Variants in MIS18BP1 observed in about 807,000 individuals in gnomAD.
MIS18BP1 encodes mis18-binding protein 1.
A neutral mutation model predicts 116.1 loss-of-function variants in MIS18BP1; 72 were observed. The observed-to-expected ratio is 0.62, with a 90% CI of 0.51 to 0.75. The LOEUF (loss-of-function observed/expected upper bound fraction) is 0.75, where lower values mean the gene tolerates loss of function less well. Among genes scored for constraint, MIS18BP1 ranks in the 30% least tolerant of loss-of-function variants. The pLI is 0.00. For missense variants in MIS18BP1, 1,363 were observed against 1,303.2 expected, an observed-to-expected ratio of 1.05 and a Z score of -0.71; for synonymous variants, 386 against 427.0, an observed-to-expected ratio of 0.90 and a Z score of 1.18.
chr14:45,245,836 T>C (rs890445664), intron 2 of MIS18BP1, among the ~76,000 whole-genome samples: 5 of 152,230 alleles, frequency 3.3e-5, no homozygotes, highest in African/African-American at 1.2e-4. Context: ...CCTTGATCAC[T>C]TCTCTAAATT....
At chr14:45,236,859 G>C (rs1050826903) in intron 5 of MIS18BP1, among the ~76,000 whole-genome samples, 1 of 152,098 alleles carries the variant, frequency 6.6e-6, no homozygotes, top group Admixed American at 6.6e-5. Context: ...AATACAGATA[G>C]TAGGCAGCAG....
intron 8 of MIS18BP1, 48 bp downstream of exon 8, chr14:45,231,093 G>C: frequency 6.3e-7 from 1 of 1,576,882 alleles, no homozygotes; most frequent in Non-Finnish European, 8.7e-7. Context: ...TGTAGACCAT[G>C]TAAGAACTTA....
chr14:45,235,670 C>A, intron 6 of MIS18BP1, 144 bp downstream of exon 6: 1 of 541,572 alleles, frequency 1.8e-6, no homozygotes, highest in Non-Finnish European at 2.9e-6. Context: ...AAAAAATTAC[C>A]AGTTTTATAT....
intron 11 of MIS18BP1, among the ~76,000 whole-genome samples, chr14:45,222,769 T>C (rs1410369404): frequency 6.6e-6 from 1 of 152,194 alleles, no homozygotes; most frequent in African/African-American, 2.4e-5. Flanking sequence ...TTCCTCTCTT[T>C]CCGCGATTTC....
chr14:45,248,066 T>C (rs1594530619), intron 1 of MIS18BP1, among the ~76,000 whole-genome samples: 1 of 149,106 alleles, frequency 6.7e-6, no homozygotes, highest in Admixed American at 6.7e-5. Flanking sequence ...TTTTTTTTTT[T>C]TTTTTTTCTT....
At chr14:45,233,104 G>A (rs1445777687) in intron 6 of MIS18BP1, among the ~76,000 whole-genome samples, 2 of 152,140 alleles carry the variant, frequency 1.3e-5, no homozygotes, top group Non-Finnish European at 2.9e-5. Context: ...TATGTCCATG[G>A]GGGAGTAAAG....
At position 45,203,963 on chromosome 14, in the gene MIS18BP1, T is replaced by G; in HGVS notation, c.*146A>C. 8.2e-7 allele frequency: 1 copy of G among 1,215,386 alleles called. No homozygotes were observed. The highest frequency in any genetic ancestry group is 2.9e-5 in the East Asian group (1 of 34,468). The allele number at this position is 1,215,386 out of a possible 1,614,324, so 75.3% of individuals were successfully genotyped here. A position where few individuals can be genotyped will look rare whatever the true frequency, so the allele number is the denominator to read the frequency against. On this transcript the variant is annotated 3_prime_UTR_variant, in exon 17 of 17. Transcript: ENST00000310806. The stretch of plus-strand genomic sequence containing the variant: ...AGCTGCAGCAATGAGGATATTTTAC[T>G]TTGAACACAAACATATGAAACCTTC...
chr14:45,232,812 T>C lies in MIS18BP1; in HGVS notation c.1357A>G (p.Asn453Asp), dbSNP rs376147694. 4.4e-5 allele frequency: 61 copies of C among 1,389,302 alleles called. No homozygotes were observed. In the East Asian group the frequency reaches 7.9e-4, roughly 18 times the overall value. The allele number at this position is 1,389,302 out of a possible 1,614,324, so 86.1% of individuals were successfully genotyped here. A position where few individuals can be genotyped will look rare whatever the true frequency, so the allele number is the denominator to read the frequency against. Residue 453 changes from asparagine (N) to aspartate (D), a missense_variant, in exon 7 of 17, where the codon AAT becomes GAT. Physicochemically the swap from Asn to Asp is conservative, Grantham distance 23 (BLOSUM62 1). Coordinates refer to ENST00000310806, the MANE Select transcript of MIS18BP1 (RefSeq NM_018353.5). Reference protein sequence around the residue: ...QISMKEAGYPNYLIRKFMFGF... With the variant: ...QISMKEAGYPDYLIRKFMFGF... ...AACATAAATTTCCTTATGAGATAAT[T>C]TGGATATCCTATTTAAGGATAAACA...
In MIS18BP1 at chr14:45,248,035, G is replaced by A. The variant is rs138099296; in HGVS notation, c.-91-658C>T. Among the ~76,000 whole-genome samples, 480 of 124,950 alleles carry A rather than the reference G, an allele frequency of 3.8e-3. 8 individuals are homozygous for A. The highest frequency in any genetic ancestry group is 0.024 in the East Asian group (100 of 4,122). The allele number at this position is 124,950 out of a possible 152,430, so 82.0% of individuals were successfully genotyped here. On this transcript the variant is annotated intron_variant, in intron 1 of 16. Transcript: ENST00000310806. ...GAAATACTGTACTTGAGTTTACGTA[G>A]TTTTAGTCTTGTTTCTTTCGTTTTT...
intron 6 of MIS18BP1, among the ~76,000 whole-genome samples, chr14:45,234,507 T>C (rs902513461): frequency 3.3e-5 from 5 of 152,080 alleles, no homozygotes. Flanking sequence ...TGAGTAGATG[T>C]GGTAAAGAAA....
At chr14:45,210,759 T>C (rs571367065) in intron 13 of MIS18BP1, among the ~76,000 whole-genome samples, 22 of 152,344 alleles carry the variant, frequency 1.4e-4, no homozygotes, top group African/African-American at 5.3e-4. Context: ...CTAAGATTTC[T>C]ACCTCCATAT....
intron 1 of MIS18BP1, among the ~76,000 whole-genome samples, chr14:45,252,291 T>C (rs1470467560): frequency 6.6e-6 from 1 of 152,236 alleles, no homozygotes; most frequent in Non-Finnish European, 1.5e-5. Context: ...CCATACAATT[T>C]ACTCTATGTA....
chr14:45,242,919 G>T, intron 2 of MIS18BP1, 45 bp from the exon 3 acceptor site: 1 of 1,300,722 alleles, frequency 7.7e-7, no homozygotes, highest in Non-Finnish European at 1.1e-6. Context: ...AATTGTATTA[G>T]TCACTAAGAA....
rs1293987477 is a variant in MIS18BP1 at position 45,226,754 on chromosome 14, CTTT to C, written c.1826_1828del (p.Lys609del). The C allele has an allele frequency of 1.4e-6, 2 of 1,393,542 alleles. No homozygotes were observed. Among genetic ancestry groups the C allele is most frequent in the Middle Eastern group, 2.4e-4 (1 of 4,120 alleles). The allele number at this position is 1,393,542 out of a possible 1,614,324, so 86.3% of individuals were successfully genotyped here. A position where few individuals can be genotyped will look rare whatever the true frequency, so the allele number is the denominator to read the frequency against. On this transcript the variant is annotated inframe_deletion, in exon 10 of 17. Coordinates refer to ENST00000310806, the MANE Select transcript of MIS18BP1 (RefSeq NM_018353.5). ...TAAAGATATATTACCTTGCTTCTGA[CTTT>C]TTATTATCCTTTCATTTGTTCTTTC...
At chr14:45,218,207 T>A (rs1385253972) in intron 12 of MIS18BP1, 75 bp downstream of exon 12, 3 of 1,414,516 alleles carry the variant, frequency 2.1e-6, no homozygotes, top group African/African-American at 2.9e-5. Flanking sequence ...TGGATAAATA[T>A]AAAATATATC....
chr14:45,204,989 A>C lies in MIS18BP1; in HGVS notation c.3241-536T>G, dbSNP rs138312297. Among the ~76,000 whole-genome samples, 987 of 152,234 alleles carry C rather than the reference A, an allele frequency of 6.5e-3. 8 individuals carry two copies. The highest frequency in any genetic ancestry group is 0.023 in the African/African-American group (939 of 41,570). On this transcript the variant is annotated intron_variant, in intron 15 of 16. Transcript: ENST00000310806. Reference sequence around the variant, plus strand: ...TCTCTGTACTTGAAATTCTTGGCTAAAATGGTAAAGTAAATGGCAAGTTTG... The same window carrying C: ...TCTCTGTACTTGAAATTCTTGGCTACAATGGTAAAGTAAATGGCAAGTTTG...
intron 9 of MIS18BP1, 110 bp from the exon 10 acceptor site, chr14:45,226,946 TC>T: frequency 4.3e-6 from 4 of 928,680 alleles, no homozygotes; most frequent in Non-Finnish European, 5.7e-6. Context: ...TACTTACAGT[TC>T]CGCAAATTTC....
At chr14:45,236,708 CTT>C (rs756999351) in intron 5 of MIS18BP1, among the ~76,000 whole-genome samples, 26 of 152,128 alleles carry the variant, frequency 1.7e-4, no homozygotes, top group Non-Finnish European at 5.9e-5. Flanking sequence ...ATTTAAGAAA[CTT>C]TTAAATAACA....
chr14:45,213,010 T>C (rs146308971), intron 13 of MIS18BP1, among the ~76,000 whole-genome samples: 3 of 152,366 alleles, frequency 2.0e-5, no homozygotes, highest in East Asian at 1.9e-4. Context: ...CTTGCCTCAG[T>C]TTCTCCTTCT....
Sources: gnomAD v4.1 joint callset for allele counts (sites outside exome capture counted in the v4.1 genomes callset) on GRCh38, gnomAD v4.1.1 for gene constraint, MANE v1.5 for transcripts, NCBI Gene and HGNC (gene_info 2026-07-23, HGNC 2026-07-21) for gene names.